SLC4A4: variants seen among roughly 807,000 people sequenced by gnomAD.
The protein encoded by SLC4A4 is solute carrier family 4 member 4, also known as electrogenic sodium bicarbonate cotransporter 1.
A neutral mutation model predicts 111.5 loss-of-function variants in SLC4A4; 27 were observed. That is an observed-to-expected ratio of 0.24 (90% CI 0.18 to 0.33). The LOEUF is 0.33. Among genes scored for constraint, SLC4A4 ranks in the 10% least tolerant of loss-of-function variants. The pLI is 1.00. For missense variants in SLC4A4, 909 were observed against 1,315.5 expected (o/e 0.69, Z 4.78); for synonymous variants, 443 against 463.4 (o/e 0.96, Z 0.57).
intron 14 of SLC4A4, among the ~76,000 whole-genome samples, chr4:71,484,088 C>T (rs1342191628): frequency 2.6e-5 from 4 of 151,504 alleles, no homozygotes; most frequent in Non-Finnish European, 5.9e-5. Context: ...TTGTCAGATG[C>T]ATAGTTTGCA....
rs201657266 is a variant in SLC4A4 at position 71,497,735 on chromosome 4, G to C, written c.2166+43G>C. 3.9e-5 allele frequency: 58 copies of C among 1,489,980 alleles called. No homozygotes were observed. The African/African-American group carries it at 7.5e-4, about 19-fold the overall frequency. The allele number at this position is 1,489,980 out of a possible 1,614,324, so 92.3% of individuals were successfully genotyped here. A position where few individuals can be genotyped will look rare whatever the true frequency, so the allele number is the denominator to read the frequency against. ...AAATGATTTTCATTGGATTTACACT[G>C]TATCAACAATAATACAACTTTACAA... On this transcript the variant is annotated intron_variant, in intron 16 of 25. Coordinates refer to ENST00000264485, the MANE Select transcript of SLC4A4 (RefSeq NM_001098484.3).
At chr4:71,552,682 T>C (rs1353977232) in intron 20 of SLC4A4, among the ~76,000 whole-genome samples, 1 of 151,844 alleles carries the variant, frequency 6.6e-6, no homozygotes, top group Non-Finnish European at 1.5e-5. Context: ...TATGGTAATC[T>C]TATTTATAAT....
chr4:71,142,553 C>G (rs1021477285), intron 2 of SLC4A4, among the ~76,000 whole-genome samples: 1 of 151,992 alleles, frequency 6.6e-6, no homozygotes, highest in African/African-American at 2.4e-5. Context: ...ACTCTGTTAC[C>G]CAGGCAGGAG....
At chr4:71,460,131 A>T (rs1464362229) in intron 12 of SLC4A4, among the ~76,000 whole-genome samples, 1 of 151,804 alleles carries the variant, frequency 6.6e-6, no homozygotes, top group Non-Finnish European at 1.5e-5. Flanking sequence ...CTTATTTATG[A>T]TTTCTTTTGC....
At chr4:71,474,971 G>A (rs1160306887) in intron 14 of SLC4A4, among the ~76,000 whole-genome samples, 3 of 151,494 alleles carry the variant, frequency 2.0e-5, no homozygotes, top group Admixed American at 1.3e-4. Context: ...GAAAGAAGGG[G>A]GATAAAACTC....
chr4:71,172,159 G>A (rs1744961735), intron 2 of SLC4A4, among the ~76,000 whole-genome samples: 1 of 152,110 alleles, frequency 6.6e-6, no homozygotes, highest in Non-Finnish European at 1.5e-5. Flanking sequence ...GAAAGCTTGA[G>A]AGGAAAGGAG....
At chr4:71,321,062 T>C (rs1023169943) in intron 3 of SLC4A4, among the ~76,000 whole-genome samples, 1 of 152,048 alleles carries the variant, frequency 6.6e-6, no homozygotes, top group Non-Finnish European at 1.5e-5. Context: ...GTGAATTCTT[T>C]ACTTTTGTCA....
At chr4:71,195,249 T>TG in intron 1 of SLC4A4, among the ~76,000 whole-genome samples, 1 of 149,858 alleles carries the variant, frequency 6.7e-6, no homozygotes, top group African/African-American at 2.4e-5. Context: ...TTTTTTTTTT[T>TG]TTTTTTAAAG....
intron 3 of SLC4A4, among the ~76,000 whole-genome samples, chr4:71,336,415 G>T (rs1429364474): frequency 6.6e-6 from 1 of 152,156 alleles, no homozygotes; most frequent in Non-Finnish European, 1.5e-5. Flanking sequence ...TAGCTATAAA[G>T]GTATAGGGAA....
At chr4:71,291,127 G>A (rs1237573116) in intron 3 of SLC4A4, among the ~76,000 whole-genome samples, 1 of 152,162 alleles carries the variant, frequency 6.6e-6, no homozygotes, top group Non-Finnish European at 1.5e-5. Context: ...ATAAATGGAG[G>A]TGATAAGTTA....
At chr4:71,387,570 C>G (rs1560463395) in intron 6 of SLC4A4, among the ~76,000 whole-genome samples, 1 of 152,126 alleles carries the variant, frequency 6.6e-6, no homozygotes, top group Non-Finnish European at 1.5e-5. Context: ...TCTTGGCTCA[C>G]CACAACGTCT....
intron 2 of SLC4A4, among the ~76,000 whole-genome samples, chr4:71,131,725 T>C (rs1399093616): frequency 6.6e-6 from 1 of 152,144 alleles, no homozygotes; most frequent in Non-Finnish European, 1.5e-5. Context: ...TGGACAGTGG[T>C]AAAACATGCT....
At chr4:71,323,546 T>C (rs796522379) in intron 3 of SLC4A4, among the ~76,000 whole-genome samples, 11 of 152,176 alleles carry the variant, frequency 7.2e-5, no homozygotes, top group African/African-American at 2.4e-4. Context: ...GGGTACCTTG[T>C]AATTTTAACA....
chr4:71,521,464 G>A (rs1732927270), intron 16 of SLC4A4, among the ~76,000 whole-genome samples: 1 of 151,986 alleles, frequency 6.6e-6, no homozygotes, highest in Non-Finnish European at 1.5e-5. Flanking sequence ...GAACTCCTAG[G>A]TTCAAACAGT....
chr4:71,284,082 T>A (rs1386043403), intron 3 of SLC4A4, among the ~76,000 whole-genome samples: 1 of 152,202 alleles, frequency 6.6e-6, no homozygotes, highest in Non-Finnish European at 1.5e-5. Context: ...TAGTATGATG[T>A]CATAGGTAAA....
intron 6 of SLC4A4, among the ~76,000 whole-genome samples, chr4:71,377,083 A>G (rs1178355233): frequency 6.6e-6 from 1 of 152,260 alleles, no homozygotes; most frequent in Admixed American, 6.5e-5. Context: ...AAGTGAATTA[A>G]TGAATAAATA....
Position 71,513,485 on chromosome 4 carries a change from G to T in SLC4A4, c.2166+15793G>T, listed in dbSNP as rs538920259. On this transcript the variant is annotated intron_variant, in intron 16 of 25. Coordinates refer to ENST00000264485, the MANE Select transcript of SLC4A4 (RefSeq NM_001098484.3). Reference sequence around the variant, plus strand: ...GTTTTGTGTGTTGATTTTGTATCCTGCAACTGTACTAATTTTTTTAATCAA... The same window carrying T: ...GTTTTGTGTGTTGATTTTGTATCCTTCAACTGTACTAATTTTTTTAATCAA... 5.9e-5 allele frequency among the ~76,000 whole-genome samples: 9 copies of T among 152,156 alleles called. No homozygotes were observed. In the South Asian group the frequency reaches 1.9e-3, roughly 32 times the overall value.
At chr4:71,255,024 A>G (rs1235232657) in intron 2 of SLC4A4, among the ~76,000 whole-genome samples, 196 bp from the exon 3 acceptor site, 1 of 152,236 alleles carries the variant, frequency 6.6e-6, no homozygotes, top group Non-Finnish European at 1.5e-5. Context: ...ACAGAGTCCT[A>G]GTGTCAGCCA....
intron 6 of SLC4A4, among the ~76,000 whole-genome samples, chr4:71,372,679 A>G (rs889328180): frequency 6.6e-6 from 1 of 152,212 alleles, no homozygotes; most frequent in African/African-American, 2.4e-5. Context: ...TCTTATGCAC[A>G]TTCCTGGCAT....
Sources: gnomAD v4.1 joint callset for allele counts (sites outside exome capture counted in the v4.1 genomes callset) on GRCh38, gnomAD v4.1.1 for gene constraint, MANE v1.5 for transcripts, NCBI Gene and HGNC (gene_info 2026-07-23, HGNC 2026-07-21) for gene names.